The following CTNNA2 variants were observed in gnomAD, a reference collection of about 807,000 sequenced individuals.
CTNNA2 encodes catenin alpha-2.
Under a neutral mutation model 101.0 loss-of-function variants are expected in CTNNA2, and 42 were observed. That is an observed-to-expected ratio of 0.42 (90% CI 0.32 to 0.54). CTNNA2 has a LOEUF of 0.54. Among genes scored for constraint, CTNNA2 ranks in the 20% least tolerant of loss-of-function variants. CTNNA2 has a pLI of 0.14. For synonymous variants in CTNNA2, 450 were observed against 456.4 expected (o/e 0.99, Z 0.18); for missense variants, 871 against 1,223.1 (o/e 0.71, Z 4.29).
At chr2:79,201,301 TGG>T (rs889167719) in intron 2 of CTNNA2, among the ~76,000 whole-genome samples, 2 of 152,202 alleles carry the variant, frequency 1.3e-5, no homozygotes, top group African/African-American at 4.8e-5. Context: ...AGCACTCTAA[TGG>T]TAAGGAGAAA....
chr2:80,335,767 C>T (rs533048950), intron 7 of CTNNA2, among the ~76,000 whole-genome samples: 25 of 152,230 alleles, frequency 1.6e-4, no homozygotes, highest in Admixed American at 9.2e-4. Context: ...GTGAGAGTTC[C>T]CAATTCCTGT....
chr2:79,781,011 G>T (rs1377340359), intron 3 of CTNNA2, among the ~76,000 whole-genome samples: 1 of 152,146 alleles, frequency 6.6e-6, no homozygotes, highest in Non-Finnish European at 1.5e-5. Flanking sequence ...ATGCAAGAAA[G>T]AATTCAGGTC....
chr2:79,213,105 T>A (rs986548976), intron 2 of CTNNA2, among the ~76,000 whole-genome samples: 2 of 152,028 alleles, frequency 1.3e-5, no homozygotes, highest in Admixed American at 1.3e-4. Flanking sequence ...GATTGATAGG[T>A]GGAAGTTTCA....
At chr2:80,212,463 C>A in intron 7 of CTNNA2, among the ~76,000 whole-genome samples, 1 of 152,170 alleles carries the variant, frequency 6.6e-6, no homozygotes, top group East Asian at 1.9e-4. Flanking sequence ...TTTTCTGCAT[C>A]TATTGAGATA....
chr2:79,980,482 A>G (rs932998948), intron 7 of CTNNA2, among the ~76,000 whole-genome samples: 1 of 152,032 alleles, frequency 6.6e-6, no homozygotes, highest in African/African-American at 2.4e-5. Flanking sequence ...TTAGTGATGC[A>G]TTTCCTCTGA....
chr2:79,335,408 A>C (rs1029483186), intron 3 of CTNNA2, among the ~76,000 whole-genome samples: 6 of 152,190 alleles, frequency 3.9e-5, no homozygotes, highest in Non-Finnish European at 8.8e-5. Flanking sequence ...TCACATCGTC[A>C]TTCTCAACAT....
At chr2:79,190,974 C>T (rs138196467) in intron 1 of CTNNA2, among the ~76,000 whole-genome samples, 46 of 152,296 alleles carry the variant, frequency 3.0e-4, no homozygotes, top group South Asian at 4.1e-4. Context: ...TCAGCTTTCT[C>T]GCTCTCCGCA....
intron 3 of CTNNA2, among the ~76,000 whole-genome samples, chr2:79,787,372 A>G (rs1674926587): frequency 6.6e-6 from 1 of 151,612 alleles, no homozygotes; most frequent in Non-Finnish European, 1.5e-5. Context: ...ACTTTTTGTA[A>G]TACATAATGC....
chr2:79,381,078 A>G (rs543495311), intron 4 of CTNNA2, among the ~76,000 whole-genome samples: 8 of 152,308 alleles, frequency 5.3e-5, no homozygotes, highest in Non-Finnish European at 8.8e-5. Context: ...TGGTTATGTC[A>G]ATTAATGTAA....
intron 7 of CTNNA2, among the ~76,000 whole-genome samples, chr2:80,353,249 G>C (rs1673479531): frequency 1.3e-5 from 2 of 152,024 alleles, no homozygotes; most frequent in African/African-American, 2.4e-5. Flanking sequence ...GGGTAGGGAA[G>C]GGGGTAATTT....
chr2:79,500,306 G>A (rs74452203), intron 4 of CTNNA2, among the ~76,000 whole-genome samples: 3,231 of 151,772 alleles, frequency 0.021, 152 homozygotes, highest in East Asian at 0.19. Context: ...TATTTGTTAT[G>A]TACCTGTTAC....
chr2:79,592,275 C>T (rs111997982), intron 1 of CTNNA2, among the ~76,000 whole-genome samples: 11 of 149,430 alleles, frequency 7.4e-5, no homozygotes, highest in African/African-American at 2.8e-4. Flanking sequence ...TGCCCAACAC[C>T]ACGCCCAGCT....
chr2:79,784,730 T>C (rs994758201), intron 3 of CTNNA2, among the ~76,000 whole-genome samples: 1 of 149,360 alleles, frequency 6.7e-6, no homozygotes, highest in Non-Finnish European at 1.5e-5. Context: ...ATATATTCAA[T>C]TGATGGCATA....
Position 79,797,526 on chromosome 2 carries a change from G to T in CTNNA2, c.298+52944G>T, listed in dbSNP as rs118110501. ...ATATAAAAAAATAGTCAGGTGTGGT[G>T]GTGCACACCTGTTGTCCCAGCTTAC... On this transcript the variant is annotated intron_variant, in intron 3 of 18. Coordinates refer to ENST00000402739, the MANE Select transcript of CTNNA2 (RefSeq NM_001282597.3). Among the ~76,000 whole-genome samples, 2,022 of 151,968 alleles carry T rather than the reference G, an allele frequency of 0.013. 108 individuals carry two copies. The East Asian group carries it at 0.15, about 11-fold the overall frequency.
At chr2:80,144,122 T>C (rs961910354) in intron 7 of CTNNA2, among the ~76,000 whole-genome samples, 2 of 152,168 alleles carry the variant, frequency 1.3e-5, no homozygotes, top group African/African-American at 2.4e-5. Flanking sequence ...CTAACACAAG[T>C]GTTTCTTACT....
At chr2:80,336,137 C>G (rs978524560) in intron 7 of CTNNA2, among the ~76,000 whole-genome samples, 2 of 152,174 alleles carry the variant, frequency 1.3e-5, no homozygotes, top group African/African-American at 4.8e-5. Context: ...AAATTTATTT[C>G]TCATGATTCT....
rs1558567367 is a variant in CTNNA2, at chr2:79,187,259, TC to T, written c.-524+1829del. Among the ~76,000 whole-genome samples the T allele has an allele frequency of 9.5e-3, 1,058 of 110,812 alleles. 22 individuals carry two copies. Among genetic ancestry groups the T allele is most frequent in the East Asian group, 0.065 (271 of 4,148 alleles). The allele number at this position is 110,812 out of a possible 152,430, so 72.7% of individuals were successfully genotyped here. A position where few individuals can be genotyped will look rare whatever the true frequency, so the allele number is the denominator to read the frequency against. ...CTTTTTCTTTTCTTTTCTTTTCTTT[TC>T]TTTTCTTTTCTTTTTTTTTTTTTTT... On this transcript the variant is annotated intron_variant, in intron 1 of 21. Coordinates refer to the CTNNA2 transcript ENST00000466387.
At chr2:79,855,045 A>C (rs1305764190) in intron 3 of CTNNA2, among the ~76,000 whole-genome samples, 2 of 152,196 alleles carry the variant, frequency 1.3e-5, no homozygotes, top group Non-Finnish European at 2.9e-5. Context: ...CCTTATCAAC[A>C]TGAAATCACT....
intron 4 of CTNNA2, among the ~76,000 whole-genome samples, chr2:79,453,590 A>G (rs1001647920): frequency 5.3e-5 from 8 of 152,298 alleles, no homozygotes; most frequent in Middle Eastern, 3.4e-3. Flanking sequence ...TTGGCTCTCC[A>G]TAAGTGGTAG....
Sources: gnomAD v4.1 joint callset for allele counts (sites outside exome capture counted in the v4.1 genomes callset) on GRCh38, gnomAD v4.1.1 for gene constraint, MANE v1.5 for transcripts, NCBI Gene and HGNC (gene_info 2026-07-23, HGNC 2026-07-21) for gene names.